Variants in KIF26B observed in about 807,000 individuals in gnomAD.
KIF26B encodes the protein kinesin-like protein KIF26B.
KIF26B carries 63 observed loss-of-function variants against 151.2 expected under a neutral mutation model. That is an observed-to-expected ratio of 0.42 (90% CI 0.34 to 0.51). The LOEUF is 0.51. Among genes scored for constraint, KIF26B ranks in the 20% least tolerant of loss-of-function variants. The probability of loss-of-function intolerance (pLI) is 0.07; values close to 1 mark genes in which losing one functional copy is unlikely to be tolerated. For synonymous variants in KIF26B, 1,357 were observed against 1,262.1 expected, an observed-to-expected ratio of 1.08 and a Z score of -1.59; for missense variants, 2,813 against 2,913.6, an observed-to-expected ratio of 0.97 and a Z score of 0.79.
intron 10 of KIF26B, among the ~76,000 whole-genome samples, chr1:245,649,675 T>C (rs1441308615): frequency 1.3e-5 from 2 of 151,946 alleles, no homozygotes; most frequent in African/African-American, 4.8e-5. Flanking sequence ...TTCTCTTTCC[T>C]TCCCCCACCC....
chr1:245,590,431 A>C (rs2043275990), intron 5 of KIF26B, among the ~76,000 whole-genome samples: 1 of 152,212 alleles, frequency 6.6e-6, no homozygotes, highest in Admixed American at 6.5e-5. Flanking sequence ...TTTCTCAAAA[A>C]TTCCTTCTGT....
chr1:245,699,512 C>T (rs1452762205), intron 14 of KIF26B, among the ~76,000 whole-genome samples: 1 of 149,572 alleles, frequency 6.7e-6, no homozygotes, highest in Middle Eastern at 3.5e-3. Context: ...AAAAAAAAGA[C>T]AGCCACAGTG....
intron 4 of KIF26B, among the ~76,000 whole-genome samples, chr1:245,485,384 C>CT (rs367794115): frequency 5.1e-4 from 32 of 62,590 alleles, no homozygotes; most frequent in East Asian, 2.8e-3. Context: ...TTCCTAGCAT[C>CT]ATTTTTTTTT....
At chr1:245,534,123 C>T (rs1014346862) in intron 4 of KIF26B, among the ~76,000 whole-genome samples, 1 of 151,812 alleles carries the variant, frequency 6.6e-6, no homozygotes, top group Non-Finnish European at 1.5e-5. Flanking sequence ...GGCTACTGCT[C>T]TTCTCCTCAC....
intron 5 of KIF26B, among the ~76,000 whole-genome samples, chr1:245,541,710 C>T (rs1410201578): frequency 6.6e-6 from 1 of 152,148 alleles, no homozygotes; most frequent in Non-Finnish European, 1.5e-5. Context: ...CCTCACTGGT[C>T]CTTTACAGAC....
At chr1:245,424,709 T>C (rs779636477) in intron 4 of KIF26B, among the ~76,000 whole-genome samples, 8 of 152,220 alleles carry the variant, frequency 5.3e-5, no homozygotes, top group Admixed American at 3.3e-4. Context: ...GGAATAATTT[T>C]CTGTCTGTTG....
chr1:245,687,801 G>A lies in KIF26B; in HGVS notation c.4818G>A (p.Leu1606=), dbSNP rs553585998. ...PPLPPVRKSS[L]DQKNRASPQH... ...TGCCCCCTGTCCGAAAGTCCAGCCT[G>A]GACCAGAAGAACCGGGCCAGCCCTC... Residue 1606 remains leucine, a synonymous_variant, in exon 12 of 15, where the codon CTG becomes CTA. Coordinates refer to ENST00000407071, the MANE Select transcript of KIF26B (RefSeq NM_018012.4). This position sits in a 1 kb window ranked among gnomAD's most constrained non-coding sequence, Gnocchi z 4.9. 30 of 1,592,708 alleles carry A rather than the reference G, an allele frequency of 1.9e-5. 1 individual carries two copies. In the South Asian group the frequency reaches 3.4e-4, roughly 18 times the overall value.
At chr1:245,542,327 T>C (rs1478245689) in intron 5 of KIF26B, among the ~76,000 whole-genome samples, 1 of 152,266 alleles carries the variant, frequency 6.6e-6, no homozygotes, top group Non-Finnish European at 1.5e-5. Flanking sequence ...CACTCTAGCC[T>C]GGGCCACAGA....
rs565093228 is a variant in KIF26B, at chr1:245,394,351, C to T, written c.1000-25228C>T. ...AACATTTGGAAAGCAGGCTGCGTGC[C>T]GTGACTAATGCCTGTAATCCTAGCA... On this transcript the variant is annotated intron_variant, in intron 3 of 14. Coordinates refer to ENST00000407071, the MANE Select transcript of KIF26B (RefSeq NM_018012.4). 1.1e-4 allele frequency among the ~76,000 whole-genome samples: 17 copies of T among 152,248 alleles called. No individual in the cohort carries two copies. In the South Asian group the frequency reaches 2.7e-3, roughly 24 times the overall value.
chr1:245,518,428 A>T lies in KIF26B; in HGVS notation c.1167-22339A>T, dbSNP rs146293283. Among the ~76,000 whole-genome samples the T allele has an allele frequency of 6.8e-4, 104 of 152,340 alleles. 1 individual carries two copies. The East Asian group carries it at 0.018, about 26-fold the overall frequency. On this transcript the variant is annotated intron_variant, in intron 4 of 14. Coordinates refer to ENST00000407071, the MANE Select transcript of KIF26B (RefSeq NM_018012.4). ...AGCTGGTATTAGTATATCCATTTCTAAAAATCCTTGCTTGAGAAGGAAAAA... is the reference window on the plus strand; with the variant it reads ...AGCTGGTATTAGTATATCCATTTCTTAAAATCCTTGCTTGAGAAGGAAAAA...
At chr1:245,160,948 G>A (rs969198550) in intron 2 of KIF26B, among the ~76,000 whole-genome samples, 3 of 152,104 alleles carry the variant, frequency 2.0e-5, no homozygotes, top group Admixed American at 6.5e-5. Flanking sequence ...ATAACTAGAC[G>A]CAAAAAGTCC....
At position 245,540,877 on chromosome 1, in the gene KIF26B, C is replaced by T. The variant is rs1661602430; in HGVS notation, c.1277C>T (p.Thr426Ile). Residue 426 changes from threonine (T) to isoleucine (I), a missense_variant, in exon 5 of 15, where the codon ACC becomes ATC. Physicochemically the swap from Thr to Ile is moderately conservative, Grantham distance 89. Coordinates refer to ENST00000407071, the MANE Select transcript of KIF26B (RefSeq NM_018012.4). The surrounding 1 kb of genome is among the most constrained non-coding windows in gnomAD (Gnocchi z 4.6). ...ACCAGCTTCAGTGGGATTCTGCAGACCTCCCCTCCCCCAGCCCCACCCTGC... is the reference window on the plus strand; with the variant it reads ...ACCAGCTTCAGTGGGATTCTGCAGATCTCCCCTCCCCCAGCCCCACCCTGC... ...FATSFSGILQ[T>I]SPPPAPPCLL... 3.7e-6 allele frequency: 6 copies of T among 1,613,830 alleles called. No individual in the cohort carries two copies. In the East Asian group the frequency reaches 1.3e-4, roughly 36 times the overall value.
intron 10 of KIF26B, among the ~76,000 whole-genome samples, chr1:245,680,812 G>A (rs919336902): frequency 1.3e-5 from 2 of 152,176 alleles, no homozygotes; most frequent in Non-Finnish European, 2.9e-5. Context: ...ATACTGAGTC[G>A]CCAGATGCAC....
chr1:245,615,813 G>A (rs543496784), intron 9 of KIF26B, among the ~76,000 whole-genome samples: 62 of 152,268 alleles, frequency 4.1e-4, no homozygotes, highest in East Asian at 1.7e-3. Flanking sequence ...GAATGCACAC[G>A]GCCTCCCCGC....
At chr1:245,156,161 G>GT in intron 1 of KIF26B, 121 bp from the exon 2 acceptor site, 1 of 1,414,210 alleles carries the variant, frequency 7.1e-7, no homozygotes, top group Non-Finnish European at 9.3e-7. Flanking sequence ...GCTTGGAGAG[G>GT]TCCCCAACCG....
At chr1:245,661,046 G>A (rs1039332378) in intron 10 of KIF26B, among the ~76,000 whole-genome samples, 1 of 151,430 alleles carries the variant, frequency 6.6e-6, no homozygotes, top group Non-Finnish European at 1.5e-5. Flanking sequence ...GAGTGCAGTG[G>A]CATGATCTTG....
At chr1:245,191,518 C>G (rs1293551044) in intron 2 of KIF26B, among the ~76,000 whole-genome samples, 1 of 151,920 alleles carries the variant, frequency 6.6e-6, no homozygotes, top group African/African-American at 2.4e-5. Flanking sequence ...ATAAAAAAAT[C>G]TAGAAGGAAA....
At chr1:245,662,775 ATG>A (rs1558257826) in intron 10 of KIF26B, among the ~76,000 whole-genome samples, 1 of 55,902 alleles carries the variant, frequency 1.8e-5, no homozygotes, top group African/African-American at 1.0e-4. Context: ...ACACACACAC[ATG>A]CATGCCCTGG....
intron 4 of KIF26B, among the ~76,000 whole-genome samples, chr1:245,457,280 CT>C (rs1469052164): frequency 6.6e-6 from 1 of 152,116 alleles, no homozygotes; most frequent in East Asian, 1.9e-4. Context: ...ATAAGAAAAG[CT>C]TTTAGAATGA....
Sources: gnomAD v4.1 joint callset for allele counts (sites outside exome capture counted in the v4.1 genomes callset) on GRCh38, gnomAD v4.1.1 for gene constraint, Gnocchi (gnomAD v3.1) non-coding constraint, MANE v1.5 for transcripts, NCBI Gene and HGNC (gene_info 2026-07-23, HGNC 2026-07-21) for gene names.